Variants in MYOM3 observed in about 807,000 individuals in gnomAD.
The protein encoded by MYOM3 is myomesin 3.
MYOM3 carries 155 observed loss-of-function variants against 191.7 expected under a neutral mutation model. That is an observed-to-expected ratio of 0.81 (90% confidence interval 0.71 to 0.92). The LOEUF (loss-of-function observed/expected upper bound fraction) is 0.92, where lower values mean the gene tolerates loss of function less well. Ranked by LOEUF, MYOM3 falls within the 40% of genes least tolerant of loss-of-function variation. The pLI, the probability that MYOM3 is intolerant of heterozygous loss-of-function variation, is 0.00. For missense variants in MYOM3, 1,889 were observed against 1,890.6 expected (o/e 1.00, Z 0.02); for synonymous variants, 757 against 762.9 (o/e 0.99, Z 0.13).
rs1643761771 is a variant in MYOM3 at position 24,087,239 on chromosome 1, A to G, written c.1615-412T>C. The stretch of plus-strand genomic sequence containing the variant: ...ATGCCTTATTGTCCTCATGCTCCCC[A>G]CCATAACCTTGATGCAGGCTGCCAG... On this transcript the variant is annotated intron_variant, in intron 14 of 36. Transcript: ENST00000374434. This position sits in a 1 kb window ranked among gnomAD's most constrained non-coding sequence, Gnocchi z 4.5. Among the ~76,000 whole-genome samples the G allele has an allele frequency of 6.6e-6, 1 of 151,946 alleles. No individual in the cohort carries two copies.
At chr1:24,081,572 T>C in intron 18 of MYOM3, 116 bp from the exon 19 acceptor site, 3 of 1,267,320 alleles carry the variant, frequency 2.4e-6, no homozygotes, top group Non-Finnish European at 3.3e-6. Context: ...GCTTTTATTT[T>C]TATTTTTTGA....
intron 2 of MYOM3, 26 bp from the exon 3 acceptor site, chr1:24,108,099 T>C (rs1644000272): frequency 6.2e-7 from 1 of 1,608,874 alleles, no homozygotes; most frequent in East Asian, 2.2e-5. Flanking sequence ...GGGGAGTAAA[T>C]GGCTCTTGCA....
intron 11 of MYOM3, 28 bp from the exon 12 acceptor site, chr1:24,091,024 C>G (rs765701637): frequency 6.2e-7 from 1 of 1,611,560 alleles, no homozygotes; most frequent in South Asian, 1.1e-5. Flanking sequence ...CCCCTTTCAG[C>G]CCCTGCCCAC....
At chr1:24,092,829 G>T in intron 10 of MYOM3, 118 bp downstream of exon 10, 1 of 1,044,762 alleles carries the variant, frequency 9.6e-7, no homozygotes, top group Non-Finnish European at 1.3e-6. Flanking sequence ...TGATTTTATG[G>T]TAGAGAAATT....
intron 16 of MYOM3, 166 bp from the exon 17 acceptor site, chr1:24,082,880 A>G: frequency 1.3e-6 from 1 of 743,740 alleles, no homozygotes; most frequent in Non-Finnish European, 2.0e-6. Context: ...GCAATGCCTG[A>G]GATGACACCG....
At chr1:24,067,399 C>T (rs1477035229) in intron 27 of MYOM3, among the ~76,000 whole-genome samples, 1,403 of 38,454 alleles carry the variant, frequency 0.036, 55 homozygotes, top group South Asian at 0.094. Flanking sequence ...TCCTTCCTTC[C>T]TTCCTTCCTT....
At chr1:24,069,603 C>T (rs957314708) in intron 25 of MYOM3, among the ~76,000 whole-genome samples, 4 of 131,742 alleles carry the variant, frequency 3.0e-5, no homozygotes, top group African/African-American at 1.1e-4. Flanking sequence ...TCTTTTCTTT[C>T]TTTCTTTCTT....
intron 9 of MYOM3, 147 bp from the exon 10 acceptor site, chr1:24,093,255 C>T: frequency 3.2e-6 from 2 of 626,408 alleles, no homozygotes; most frequent in East Asian, 2.7e-5. Flanking sequence ...GGGGTGGTGG[C>T]CTCCAGGGCT....
chr1:24,094,797 T>C (rs530030012), intron 9 of MYOM3, 56 bp downstream of exon 9: 2 of 1,549,736 alleles, frequency 1.3e-6, no homozygotes, highest in Non-Finnish European at 1.7e-6. Flanking sequence ...TGGCTCTGAG[T>C]TGAGCTTTGG....
At chr1:24,061,458 C>G in intron 33 of MYOM3, 149 bp from the exon 34 acceptor site, 3 of 759,034 alleles carry the variant, frequency 4.0e-6, no homozygotes, top group Non-Finnish European at 6.7e-6. Flanking sequence ...GGCAGGACTG[C>G]GTGGGAGGGT....
chr1:24,058,681 G>A (rs1298571783), intron 36 of MYOM3, among the ~76,000 whole-genome samples: 1 of 152,186 alleles, frequency 6.6e-6, no homozygotes, highest in Non-Finnish European at 1.5e-5. Flanking sequence ...GAAGTCCGCA[G>A]GTAGAAGTCT....
Position 24,057,987 on chromosome 1 carries a change from A to G in MYOM3, c.4051-360T>C, listed in dbSNP as rs367573714. On this transcript the variant is annotated intron_variant, in intron 36 of 36. Coordinates refer to ENST00000374434, the MANE Select transcript of MYOM3 (RefSeq NM_152372.4). ...AAGCCCGGCTAATTTTTGTATTTTTAGTAGAGATGGGGTTTTGCCGTGTTG... is the reference window on the plus strand; with the variant it reads ...AAGCCCGGCTAATTTTTGTATTTTTGGTAGAGATGGGGTTTTGCCGTGTTG... 1.8e-4 allele frequency among the ~76,000 whole-genome samples: 28 copies of G among 152,102 alleles called. No individual in the cohort carries two copies. The East Asian group carries it at 2.5e-3, about 14-fold the overall frequency.
At chr1:24,068,495 C>G (rs762013359) in intron 25 of MYOM3, 128 bp from the exon 26 acceptor site, 2 of 1,102,938 alleles carry the variant, frequency 1.8e-6, no homozygotes, top group African/African-American at 3.1e-5. Flanking sequence ...TGGGGCTGGC[C>G]GTTGGGTAAC....
chr1:24,082,889 C>T (rs1012196607), intron 16 of MYOM3, 175 bp from the exon 17 acceptor site: 21 of 670,682 alleles, frequency 3.1e-5, no homozygotes, highest in Admixed American at 1.9e-4. Flanking sequence ...GAGATGACAC[C>T]GTGGAGGGGG....
intron 32 of MYOM3, 128 bp downstream of exon 32, chr1:24,062,998 C>G: frequency 1.6e-6 from 1 of 628,644 alleles, no homozygotes; most frequent in East Asian, 2.8e-5. Flanking sequence ...CCCCTGGGAC[C>G]AGGCTCTGCT....
chr1:24,063,243 A>T lies in MYOM3; in HGVS notation c.3662-9T>A, dbSNP rs560486892. 2.4e-5 allele frequency: 38 copies of T among 1,608,320 alleles called. No homozygotes were observed. The East Asian group carries it at 8.3e-4, about 35-fold the overall frequency. On this transcript the variant is annotated splice_polypyrimidine_tract_variant and intron_variant, in intron 31 of 36. Coordinates refer to ENST00000374434, the MANE Select transcript of MYOM3 (RefSeq NM_152372.4). This position sits in a 1 kb window ranked among gnomAD's most constrained non-coding sequence, Gnocchi z 4.5. Reference sequence around the variant, plus strand: ...TGGAGTTGCAGAGAGGGCTGGGGAGACAGAGGAGAAGGATGAATCTTCCCT... The same window carrying T: ...TGGAGTTGCAGAGAGGGCTGGGGAGTCAGAGGAGAAGGATGAATCTTCCCT...
Position 24,063,413 on chromosome 1 carries a change from C to T in MYOM3, c.3661+79G>A, listed in dbSNP as rs180968778. On this transcript the variant is annotated intron_variant, in intron 31 of 36. Coordinates refer to ENST00000374434, the MANE Select transcript of MYOM3 (RefSeq NM_152372.4). This position sits in a 1 kb window ranked among gnomAD's most constrained non-coding sequence, Gnocchi z 4.5. ...TAGAAACTAAACCCACCCCCAATAG[C>T]CAAGGCCAGTGTTAGGCTGCTTGGA... 104 of 1,575,654 alleles carry T rather than the reference C, an allele frequency of 6.6e-5. No individual in the cohort carries two copies. Among genetic ancestry groups the T allele is most frequent in the Non-Finnish European group, 8.5e-5 (97 of 1,145,850 alleles).
At chr1:24,092,536 G>A (rs1437753097) in intron 10 of MYOM3, among the ~76,000 whole-genome samples, 2 of 152,100 alleles carry the variant, frequency 1.3e-5, no homozygotes, top group African/African-American at 4.8e-5. Context: ...CCAAGTACCT[G>A]AACAAGTGGA....
chr1:24,084,772 C>T, intron 15 of MYOM3, 133 bp from the exon 16 acceptor site: 1 of 830,434 alleles, frequency 1.2e-6, no homozygotes, highest in East Asian at 2.5e-5. Flanking sequence ...TCCTGACCTG[C>T]TGGGGGCTTT....
Sources: allele counts gnomAD v4.1 joint callset (sites outside exome capture counted in the v4.1 genomes callset), GRCh38; gene constraint gnomAD v4.1.1; non-coding constraint Gnocchi (gnomAD v3.1); transcripts MANE v1.5; gene names NCBI Gene and HGNC (gene_info 2026-07-23, HGNC 2026-07-21).